The following IL1RAPL2 variants were observed in gnomAD, a reference collection of about 807,000 sequenced individuals.
The protein encoded by IL1RAPL2 is X-linked interleukin-1 receptor accessory protein-like 2.
In IL1RAPL2, 3 loss-of-function variants were observed where a neutral mutation model predicts 44.1. The observed-to-expected ratio is 0.07, with a 90% CI of 0.03 to 0.18. IL1RAPL2 has a LOEUF of 0.18. Among genes scored for constraint, IL1RAPL2 ranks in the 10% least tolerant of loss-of-function variants. The pLI is 1.00. For missense variants in IL1RAPL2, 391 were observed against 496.4 expected (o/e 0.79, Z 2.02); for synonymous variants, 181 against 178.8 (o/e 1.01, Z -0.10).
intron 2 of IL1RAPL2, among the ~76,000 whole-genome samples, chrX:105,052,687 C>T (rs1217813315): frequency 9.1e-6 from 1 of 110,414 alleles, no homozygotes; most frequent in African/African-American, 3.3e-5. Flanking sequence ...ACCTTAAATC[C>T]CTTGGATTTC....
At chrX:105,743,100 G>A (rs1207840754) in intron 8 of IL1RAPL2, among the ~76,000 whole-genome samples, 1 of 111,346 alleles carries the variant, frequency 9.0e-6, no homozygotes, top group Non-Finnish European at 1.9e-5. Flanking sequence ...CAATTACCTG[G>A]ATCATGGTAA....
intron 6 of IL1RAPL2, among the ~76,000 whole-genome samples, chrX:105,685,708 A>G (rs1420233737): frequency 1.8e-5 from 2 of 111,295 alleles, no homozygotes; most frequent in Non-Finnish European, 3.8e-5. Context: ...ACAACTCCAC[A>G]AAGATACTCC....
chrX:105,097,330 C>CAAAAAAAAAAAAAAAAA (rs201390547), intron 2 of IL1RAPL2, among the ~76,000 whole-genome samples: 1 of 43,199 alleles, frequency 2.3e-5, no homozygotes, highest in African/African-American at 1.1e-4. Context: ...CAGTGTCAGA[C>CAAAAAAAAAAAAAAAAA]AAAAAAAAAA....
chrX:105,549,526 A>G (rs1281861552), intron 6 of IL1RAPL2, among the ~76,000 whole-genome samples: 1 of 111,116 alleles, frequency 9.0e-6, no homozygotes, highest in Non-Finnish European at 1.9e-5. Context: ...GCTACAGAGA[A>G]CTGTTGTACC....
chrX:105,219,526 G>A, intron 3 of IL1RAPL2: 1 of 1,209,222 alleles, frequency 8.3e-7, no homozygotes, highest in African/African-American at 1.7e-5. Flanking sequence ...GGGGAACTGG[G>A]TCTCCATGGG....
chrX:105,440,797 G>A (rs760410966), intron 5 of IL1RAPL2, among the ~76,000 whole-genome samples: 11 of 111,866 alleles, frequency 9.8e-5, no homozygotes, highest in Non-Finnish European at 1.5e-4. Context: ...CATGTCAAGG[G>A]TGGGGCCAGG....
At chrX:104,866,434 T>C (rs1024232918) in intron 2 of IL1RAPL2, among the ~76,000 whole-genome samples, 2 of 112,426 alleles carry the variant, frequency 1.8e-5, no homozygotes, top group Non-Finnish European at 3.8e-5. Flanking sequence ...TAGTTTGAGA[T>C]TGGCAAACTC....
intron 1 of IL1RAPL2, among the ~76,000 whole-genome samples, chrX:104,606,037 A>C (rs1929002490): frequency 8.9e-6 from 1 of 112,168 alleles, no homozygotes; most frequent in South Asian, 3.7e-4. Context: ...TTTCAGGCCA[A>C]TATCCCTGAT....
In IL1RAPL2 at chrX:104,771,306, G is replaced by A. The variant is rs755858691; in HGVS notation, c.82+112311G>A. ...GGGATGTTGGGCAGAAGCCCAGTAG[G>A]GGGTGGCCCCAGTGTTATTTATTGT... On this transcript the variant is annotated intron_variant, in intron 2 of 10. Coordinates refer to ENST00000372582, the MANE Select transcript of IL1RAPL2 (RefSeq NM_017416.2). Among the ~76,000 whole-genome samples, 392 of 112,293 alleles carry A rather than the reference G, an allele frequency of 3.5e-3. 2 individuals carry two copies. Among genetic ancestry groups the A allele is most frequent in the African/African-American group, 0.012 (366 of 30,944 alleles).
intron 6 of IL1RAPL2, among the ~76,000 whole-genome samples, chrX:105,686,629 C>T (rs2037979545): frequency 9.0e-6 from 1 of 110,763 alleles, no homozygotes; most frequent in East Asian, 2.9e-4. Context: ...TAATGGGAGA[C>T]TTTAACACCC....
intron 9 of IL1RAPL2, among the ~76,000 whole-genome samples, chrX:105,752,072 C>T (rs1320832508): frequency 8.9e-6 from 1 of 111,865 alleles, no homozygotes. Flanking sequence ...TTATTTCACC[C>T]CACCAATGAT....
At chrX:105,326,472 A>C (rs1443344290) in intron 5 of IL1RAPL2, among the ~76,000 whole-genome samples, 1 of 111,460 alleles carries the variant, frequency 9.0e-6, no homozygotes, top group East Asian at 2.8e-4. Flanking sequence ...TCTTACCTAC[A>C]AAATCTTTGT....
At chrX:105,346,077 G>T (rs2035108101) in intron 5 of IL1RAPL2, among the ~76,000 whole-genome samples, 1 of 110,975 alleles carries the variant, frequency 9.0e-6, no homozygotes, top group Non-Finnish European at 1.9e-5. Context: ...CTTATGTAGT[G>T]CTGTAAAGTA....
chrX:105,021,439 C>T (rs1486568650), intron 2 of IL1RAPL2, among the ~76,000 whole-genome samples: 2 of 110,599 alleles, frequency 1.8e-5, no homozygotes, highest in Non-Finnish European at 3.8e-5. Flanking sequence ...TATGGGTGGC[C>T]GTGGGGCTTA....
chrX:104,859,958 C>T (rs760465750), intron 2 of IL1RAPL2, among the ~76,000 whole-genome samples: 42 of 112,088 alleles, frequency 3.7e-4, no homozygotes, highest in Middle Eastern at 4.6e-3. Flanking sequence ...TTTGCATTTT[C>T]CTCTTTGCAA....
intron 2 of IL1RAPL2, among the ~76,000 whole-genome samples, chrX:104,756,551 C>T (rs184271040): frequency 1.2e-4 from 13 of 110,526 alleles, no homozygotes; most frequent in African/African-American, 3.9e-4. Flanking sequence ...ACTGAGCACT[C>T]ATATCAGACA....
At chrX:105,740,361 C>A (rs967302759) in intron 7 of IL1RAPL2, among the ~76,000 whole-genome samples, 185 bp from the exon 8 acceptor site, 5 of 111,470 alleles carry the variant, frequency 4.5e-5, no homozygotes, top group African/African-American at 1.6e-4. Context: ...TCCATCTTAT[C>A]TTCATGTCAA....
intron 3 of IL1RAPL2, among the ~76,000 whole-genome samples, chrX:105,211,825 A>T (rs1221318588): frequency 9.0e-6 from 1 of 111,287 alleles, no homozygotes; most frequent in Admixed American, 9.5e-5. Context: ...CAACCCATGG[A>T]GGGTGAGCAG....
chrX:105,400,833 A>G (rs376741089), intron 5 of IL1RAPL2, among the ~76,000 whole-genome samples: 4 of 111,812 alleles, frequency 3.6e-5, no homozygotes, highest in South Asian at 7.4e-4. Context: ...ACTGAATACA[A>G]TATGGTCTTG....
Sources: gnomAD v4.1 joint callset for allele counts (sites outside exome capture counted in the v4.1 genomes callset) on GRCh38, gnomAD v4.1.1 for gene constraint, MANE v1.5 for transcripts, NCBI Gene and HGNC (gene_info 2026-07-23, HGNC 2026-07-21) for gene names.